PRKD3: variants seen among roughly 807,000 people sequenced by gnomAD.
PRKD3 encodes the protein protein kinase D3.
In PRKD3, 47 loss-of-function variants were observed where a neutral mutation model predicts 99.2. The ratio of observed to expected loss-of-function variants is 0.47; its 90% CI spans 0.38 to 0.60. The LOEUF (loss-of-function observed/expected upper bound fraction) is 0.60. Among genes scored for constraint, PRKD3 ranks in the 20% least tolerant of loss-of-function variants. The probability of loss-of-function intolerance (pLI) is 0.00; values close to 1 mark genes in which losing one functional copy is unlikely to be tolerated. For synonymous variants in PRKD3, 392 were observed against 355.4 expected (o/e 1.10, Z -1.16); for missense variants, 1,019 against 1,088.4 (o/e 0.94, Z 0.90).
chr2:37,282,461 C>A, intron 7 of PRKD3, 81 bp downstream of exon 7: 1 of 923,640 alleles, frequency 1.1e-6, no homozygotes. Context: ...ATCAGGAAAA[C>A]AGAACCTTAT....
At chr2:37,298,815 G>A (rs927086856) in intron 2 of PRKD3, among the ~76,000 whole-genome samples, 1 of 152,076 alleles carries the variant, frequency 6.6e-6, no homozygotes, top group Non-Finnish European at 1.5e-5. Flanking sequence ...CAGTTCTAAT[G>A]GTTTTTTGGC....
chr2:37,261,572 G>A (rs376609187), intron 14 of PRKD3, among the ~76,000 whole-genome samples: 10 of 152,042 alleles, frequency 6.6e-5, no homozygotes, highest in East Asian at 5.8e-4. Flanking sequence ...CCTGAGATCG[G>A]GAGTTCGAGA....
At chr2:37,295,048 C>A (rs1325847620) in intron 2 of PRKD3, among the ~76,000 whole-genome samples, 1 of 152,180 alleles carries the variant, frequency 6.6e-6, no homozygotes, top group Non-Finnish European at 1.5e-5. Flanking sequence ...GCACTCCAGT[C>A]TGGGTGACTG....
At chr2:37,278,031 A>C in intron 8 of PRKD3, 42 bp from the exon 9 acceptor site, 1 of 1,541,016 alleles carries the variant, frequency 6.5e-7, no homozygotes, top group Non-Finnish European at 8.9e-7. Flanking sequence ...TAGATTTTTA[A>C]AAAATCATAT....
At position 37,252,175 on chromosome 2, in the gene PRKD3, GC is replaced by G. The variant is rs1667553954; in HGVS notation, c.*1001del. ...TCCAGATATCTGCAAAGCCCAATAG[GC>G]TAGGGGAAGGAGAAAAAAGGATACT... On this transcript the variant is annotated 3_prime_UTR_variant, in exon 19 of 19. Coordinates refer to ENST00000234179, the MANE Select transcript of PRKD3 (RefSeq NM_005813.6). The G allele has an allele frequency of 6.6e-6, 1 of 152,132 alleles. No individual in the cohort carries two copies. Among genetic ancestry groups the G allele is most frequent in the Admixed American group, 6.5e-5 (1 of 15,274 alleles). 9.4% of individuals were successfully genotyped at this position (152,132 alleles called of 1,614,324 possible).
chr2:37,304,357 G>C (rs181295501), intron 2 of PRKD3, among the ~76,000 whole-genome samples: 1 of 152,080 alleles, frequency 6.6e-6, no homozygotes, highest in Non-Finnish European at 1.5e-5. Flanking sequence ...ACATAAGGAC[G>C]ATAGCTGAGT....
chr2:37,264,333 G>A lies in PRKD3; in HGVS notation c.1884+3097C>T, dbSNP rs545572168. On this transcript the variant is annotated intron_variant, in intron 14 of 18. Coordinates refer to ENST00000234179, the MANE Select transcript of PRKD3 (RefSeq NM_005813.6). Reference sequence around the variant, plus strand: ...ATTAAATATTAAATAAGAATTTGCCGTGTACCCAGTACTATGTGGGTATTC... The same window carrying A: ...ATTAAATATTAAATAAGAATTTGCCATGTACCCAGTACTATGTGGGTATTC... Among the ~76,000 whole-genome samples, 476 of 152,164 alleles carry A rather than the reference G, an allele frequency of 3.1e-3. 1 individual carries two copies. Among genetic ancestry groups the A allele is most frequent in the Middle Eastern group, 0.02 (6 of 294 alleles).
At chr2:37,318,234 T>A (rs1053497436) in intron 1 of PRKD3, among the ~76,000 whole-genome samples, 12 of 151,920 alleles carry the variant, frequency 7.9e-5, no homozygotes, top group African/African-American at 2.7e-4. Flanking sequence ...ACTGAGACTT[T>A]AAAAAAAACT....
intron 2 of PRKD3, among the ~76,000 whole-genome samples, chr2:37,310,533 CCTTT>C (rs1407360963): frequency 2.0e-5 from 3 of 152,200 alleles, no homozygotes; most frequent in Non-Finnish European, 2.9e-5. Flanking sequence ...TTAATTCCTT[CCTTT>C]ATTTATTCAA....
At chr2:37,283,215 G>A (rs770995278) in intron 6 of PRKD3, among the ~76,000 whole-genome samples, 2 of 152,182 alleles carry the variant, frequency 1.3e-5, no homozygotes, top group African/African-American at 2.4e-5. Flanking sequence ...TGTGGTCCCA[G>A]ATCAGCTTCA....
chr2:37,324,223 G>C lies in PRKD3; in HGVS notation c.-656+458C>G, dbSNP rs1672013218. ...CCCTTTGAGACGACTACAACGCAAA[G>C]TGAGGAAATGAAACGAAAAAGCTGG... On this transcript the variant is annotated intron_variant, in intron 1 of 18. Transcript: ENST00000234179. The C allele has an allele frequency of 5.1e-6, 5 of 985,376 alleles. No homozygotes were observed. In the African/African-American group the frequency reaches 8.7e-5, roughly 17 times the overall value. 61.0% of individuals were successfully genotyped at this position (985,376 alleles called of 1,614,324 possible).
intron 14 of PRKD3, among the ~76,000 whole-genome samples, chr2:37,262,520 GACA>G (rs897011156): frequency 6.6e-6 from 1 of 152,160 alleles, no homozygotes; most frequent in African/African-American, 2.4e-5. Flanking sequence ...AATACAAAAT[GACA>G]ACATTTTATA....
intron 2 of PRKD3, among the ~76,000 whole-genome samples, chr2:37,306,727 T>A (rs182559437): frequency 1.3e-5 from 2 of 152,284 alleles, no homozygotes. Context: ...GAGGATCAAT[T>A]GAGCCCAGGA....
At chr2:37,291,927 C>T (rs1289560801) in intron 3 of PRKD3, among the ~76,000 whole-genome samples, 1 of 152,140 alleles carries the variant, frequency 6.6e-6, no homozygotes. Flanking sequence ...ATTCTTTCTT[C>T]CTTTTCACTC....
intron 2 of PRKD3, among the ~76,000 whole-genome samples, chr2:37,294,330 A>C (rs1670582112): frequency 6.6e-6 from 1 of 152,106 alleles, no homozygotes; most frequent in Non-Finnish European, 1.5e-5. Context: ...TTCTAGACTC[A>C]AGTGATTCCC....
chr2:37,314,360 C>G (rs1044548988), intron 2 of PRKD3, among the ~76,000 whole-genome samples: 3 of 152,164 alleles, frequency 2.0e-5, no homozygotes, highest in Non-Finnish European at 4.4e-5. Flanking sequence ...GTATAATTAT[C>G]CTTTTTAAGC....
At chr2:37,309,157 A>T (rs1025169260) in intron 2 of PRKD3, among the ~76,000 whole-genome samples, 11 of 152,252 alleles carry the variant, frequency 7.2e-5, no homozygotes, top group Non-Finnish European at 1.3e-4. Flanking sequence ...TCTTTAAAAA[A>T]TTTTTTAAAG....
intron 2 of PRKD3, among the ~76,000 whole-genome samples, chr2:37,303,312 C>G (rs1671018756): frequency 6.6e-6 from 1 of 152,114 alleles, no homozygotes; most frequent in Admixed American, 6.5e-5. Context: ...CAGACAAGCA[C>G]TGGAGACCCA....
chr2:37,256,550 T>C (rs1369120683), intron 17 of PRKD3, 112 bp downstream of exon 17: 6 of 1,284,268 alleles, frequency 4.7e-6, no homozygotes, highest in South Asian at 3.4e-5. Context: ...GAATGGGAGA[T>C]GTACTAAAAA....
Sources: gnomAD v4.1 joint callset for allele counts (sites outside exome capture counted in the v4.1 genomes callset) on GRCh38, gnomAD v4.1.1 for gene constraint, MANE v1.5 for transcripts, NCBI Gene and HGNC (gene_info 2026-07-23, HGNC 2026-07-21) for gene names.